Variants in MARCHF8 observed in about 807,000 individuals in gnomAD.
MARCHF8 encodes the protein membrane associated ring-CH-type finger 8.
In MARCHF8, 40 loss-of-function variants were observed where a neutral mutation model predicts 51.6. The ratio of observed to expected loss-of-function variants is 0.77; its 90% CI spans 0.60 to 1.01. MARCHF8 has a LOEUF of 1.01. Ranked by LOEUF, MARCHF8 falls within the 50% of genes least tolerant of loss-of-function variation. The pLI, the probability that MARCHF8 is intolerant of heterozygous loss-of-function variation, is 0.00. For synonymous variants in MARCHF8, 263 were observed against 280.3 expected (o/e 0.94, Z 0.62); for missense variants, 685 against 708.6 (o/e 0.97, Z 0.38).
At chr10:45,536,881 A>G (rs2043979657), upstream of MARCHF8, among the ~76,000 whole-genome samples, 1 of 147,608 alleles carries the variant, frequency 6.8e-6, no homozygotes, top group African/African-American at 2.5e-5. Context: ...TAATAATAAT[A>G]AAGACAAATA....
chr10:45,556,270 A>G (rs1396526213), intron 1 of MARCHF8, among the ~76,000 whole-genome samples: 1 of 152,238 alleles, frequency 6.6e-6, no homozygotes, highest in Non-Finnish European at 1.5e-5. Flanking sequence ...AACAAATCAC[A>G]GTACACACAA....
At chr10:45,587,820 G>C (rs575772227) in intron 1 of MARCHF8, among the ~76,000 whole-genome samples, 25 of 152,110 alleles carry the variant, frequency 1.6e-4, no homozygotes, top group African/African-American at 4.8e-4. Context: ...GAACTCAATG[G>C]GCAAAGGATA....
chr10:45,569,873 G>C (rs1481467737), intron 1 of MARCHF8, among the ~76,000 whole-genome samples: 1 of 151,894 alleles, frequency 6.6e-6, no homozygotes, highest in Non-Finnish European at 1.5e-5. Context: ...AAAAAAACAA[G>C]ACCCAATTAT....
At chr10:45,548,741 G>C (rs11817831) in intron 1 of MARCHF8, among the ~76,000 whole-genome samples, 2 of 152,166 alleles carry the variant, frequency 1.3e-5, no homozygotes. Flanking sequence ...GGTGGCTCAT[G>C]CCTGTAATCT....
chr10:45,515,657 C>T (rs2043606081), intron 2 of MARCHF8, among the ~76,000 whole-genome samples: 1 of 152,186 alleles, frequency 6.6e-6, no homozygotes, highest in South Asian at 2.1e-4. Context: ...AGCACTGAGC[C>T]TTTCACTGTC....
chr10:45,541,091 A>T (rs535116340), intron 1 of MARCHF8, among the ~76,000 whole-genome samples: 3 of 152,336 alleles, frequency 2.0e-5, no homozygotes, highest in Admixed American at 2.0e-4. Context: ...AGGATTATAA[A>T]TCATGCTGTT....
intron 2 of MARCHF8, among the ~76,000 whole-genome samples, chr10:45,519,710 G>A (rs572683877): frequency 2.0e-5 from 3 of 152,272 alleles, no homozygotes; most frequent in African/African-American, 7.2e-5. Flanking sequence ...TAGCTGGCAA[G>A]TCATAAAAAA....
At chr10:45,550,040 C>T (rs1259718082) in intron 1 of MARCHF8, among the ~76,000 whole-genome samples, 1 of 152,116 alleles carries the variant, frequency 6.6e-6, no homozygotes, top group Non-Finnish European at 1.5e-5. Context: ...GAGCTGGGAG[C>T]GGGGACAGGG....
intron 1 of MARCHF8, among the ~76,000 whole-genome samples, chr10:45,569,989 C>A (rs1589186628): frequency 6.6e-6 from 1 of 152,024 alleles, no homozygotes; most frequent in East Asian, 1.9e-4. Context: ...CAACACTTTC[C>A]ACAACTGACA....
At chr10:45,512,130 G>A (rs1165328243) in intron 2 of MARCHF8, among the ~76,000 whole-genome samples, 10 of 150,684 alleles carry the variant, frequency 6.6e-5, no homozygotes, top group African/African-American at 1.2e-4. Context: ...GCGCCCAGCC[G>A]CGACCCCGTC....
intron 2 of MARCHF8, among the ~76,000 whole-genome samples, chr10:45,495,507 A>G (rs2043157729): frequency 6.6e-6 from 1 of 152,156 alleles, no homozygotes; most frequent in Non-Finnish European, 1.5e-5. Flanking sequence ...CTGATATTCA[A>G]TGAATGCAGG....
intron 1 of MARCHF8, among the ~76,000 whole-genome samples, chr10:45,557,581 A>C (rs2044266671): frequency 6.6e-6 from 1 of 152,184 alleles, no homozygotes; most frequent in Non-Finnish European, 1.5e-5. Flanking sequence ...CCAGTCCTTA[A>C]AGAAAATAGG....
intron 1 of MARCHF8, among the ~76,000 whole-genome samples, chr10:45,575,731 T>C (rs1310635329): frequency 6.6e-6 from 1 of 152,210 alleles, no homozygotes; most frequent in African/African-American, 2.4e-5. Context: ...AGCTAAGCCA[T>C]CATATGCCCT....
chr10:45,528,764 C>T (rs2043831773), intron 2 of MARCHF8, among the ~76,000 whole-genome samples: 1 of 152,098 alleles, frequency 6.6e-6, no homozygotes, highest in Non-Finnish European at 1.5e-5. Context: ...TAATAAAATA[C>T]TCAGAAATAC....
chr10:45,459,275 G>C lies in MARCHF8; in HGVS notation c.1270-8C>G. 1 of 1,613,756 alleles carries C rather than the reference G, an allele frequency of 6.2e-7. No homozygotes were observed. The highest frequency in any genetic ancestry group is 8.5e-7 in the Non-Finnish European group (1 of 1,179,910). Reference sequence around the variant, plus strand: ...CATCTGCAACTTCTCCCACTAGAAAGACAACACAGAGTGTGAGGCTCAGGC... The same window carrying C: ...CATCTGCAACTTCTCCCACTAGAAACACAACACAGAGTGTGAGGCTCAGGC... On this transcript the variant is annotated splice_polypyrimidine_tract_variant and splice_region_variant and intron_variant, in intron 6 of 7. Transcript: ENST00000453424.
At chr10:45,510,988 T>G (rs569635227) in intron 2 of MARCHF8, among the ~76,000 whole-genome samples, 46 of 152,164 alleles carry the variant, frequency 3.0e-4, no homozygotes, top group Admixed American at 4.6e-4. Context: ...CTTAAAGTTA[T>G]GAAAAAATGG....
intron 1 of MARCHF8, among the ~76,000 whole-genome samples, 154 bp from the exon 2 acceptor site, chr10:45,533,443 T>C (rs760478448): frequency 2.0e-5 from 3 of 152,204 alleles, no homozygotes; most frequent in Non-Finnish European, 4.4e-5. Context: ...AGAAGATGAA[T>C]GTCTAAGGGG....
intron 2 of MARCHF8, among the ~76,000 whole-genome samples, chr10:45,501,581 T>C (rs979408867): frequency 2.0e-5 from 3 of 152,132 alleles, no homozygotes; most frequent in Non-Finnish European, 4.4e-5. Flanking sequence ...GATTTAAGGT[T>C]GGGCAAAGAG....
In MARCHF8 at chr10:45,463,970, C is replaced by A. The variant is rs1218310636; in HGVS notation, c.269G>T (p.Cys90Phe). 1 of 1,535,572 alleles carries A rather than the reference C, an allele frequency of 6.5e-7. No homozygotes were observed. Among genetic ancestry groups the A allele is most frequent in the South Asian group, 1.2e-5 (1 of 83,978 alleles). Residue 90 changes from cysteine to phenylalanine, a missense_variant, in exon 5 of 8, where the codon TGT becomes TTT. By Grantham distance (205) the Cys-to-Phe change is radical. Transcript: ENST00000453424. ...CSSSAVFSEC[C>F]HHSSVQSAVV... ...AGCAGACTGCACGGAACTGTGGTGA[C>A]AACACTCAGAAAACACTGCACTGGA...
Sources: allele counts gnomAD v4.1 joint callset (sites outside exome capture counted in the v4.1 genomes callset), GRCh38; gene constraint gnomAD v4.1.1; transcripts MANE v1.5; gene names NCBI Gene and HGNC (gene_info 2026-07-23, HGNC 2026-07-21).